Variants in SLCO1B3 observed in about 807,000 individuals in gnomAD.
SLCO1B3 encodes the protein liver-specific organic anion transporter 2.
Under a neutral mutation model 71.8 loss-of-function variants are expected in SLCO1B3, and 72 were observed. The ratio of observed to expected loss-of-function variants is 1.00; its 90% CI spans 0.83 to 1.22. SLCO1B3 has a LOEUF of 1.22. SLCO1B3 is among the 50% of genes most tolerant of loss of function. SLCO1B3 has a pLI of 0.00. For missense variants in SLCO1B3, 911 were observed against 819.7 expected (o/e 1.11, Z -1.36); for synonymous variants, 298 against 278.4 (o/e 1.07, Z -0.70).
At chr12:20,903,663 A>T (rs1218088438) in intron 15 of SLCO1B3, among the ~76,000 whole-genome samples, 1 of 152,130 alleles carries the variant, frequency 6.6e-6, no homozygotes, top group Non-Finnish European at 1.5e-5. Context: ...TATCTTGAGA[A>T]CAGAAAGGGA....
At chr12:20,856,389 A>T in intron 4 of SLCO1B3, among the ~76,000 whole-genome samples, 1 of 152,214 alleles carries the variant, frequency 6.6e-6, no homozygotes, top group East Asian at 1.9e-4. Context: ...CAAAAAATAT[A>T]AAACTTAAAA....
At chr12:20,812,486 G>C (rs1325867077) in intron 1 of SLCO1B3, among the ~76,000 whole-genome samples, 1 of 152,154 alleles carries the variant, frequency 6.6e-6, no homozygotes, top group Non-Finnish European at 1.5e-5. Flanking sequence ...GATAGGGAAG[G>C]ACATTCCAGG....
At chr12:20,827,696 C>G (rs555635125) in intron 3 of SLCO1B3, among the ~76,000 whole-genome samples, 1 of 152,008 alleles carries the variant, frequency 6.6e-6, no homozygotes, top group Admixed American at 6.6e-5. Flanking sequence ...CGCAGCCTCC[C>G]GAGTAGCTGG....
intron 9 of SLCO1B3, among the ~76,000 whole-genome samples, chr12:20,877,249 G>T (rs1356109447): frequency 6.6e-6 from 1 of 151,766 alleles, no homozygotes; most frequent in Non-Finnish European, 1.5e-5. Flanking sequence ...ATTATGAACT[G>T]TTTTTTTAAG....
At chr12:20,841,008 A>G (rs1591755272) in intron 3 of SLCO1B3, among the ~76,000 whole-genome samples, 1 of 152,298 alleles carries the variant, frequency 6.6e-6, no homozygotes, top group East Asian at 1.9e-4. Context: ...GGGGTCCTTG[A>G]ATTGGTCCCC....
intron 13 of SLCO1B3, among the ~76,000 whole-genome samples, chr12:20,891,442 C>T (rs866404426): frequency 3.1e-4 from 47 of 151,950 alleles, no homozygotes; most frequent in African/African-American, 1.1e-3. Flanking sequence ...TCTCTCTTGC[C>T]ACGTTTAAGA....
intron 8 of SLCO1B3, among the ~76,000 whole-genome samples, chr12:20,869,808 T>C (rs1865446165): frequency 6.6e-6 from 1 of 152,188 alleles, no homozygotes; most frequent in African/African-American, 2.4e-5. Flanking sequence ...AATGGAAATA[T>C]CTCTGTGAGA....
intron 4 of SLCO1B3, 123 bp downstream of exon 4, chr12:20,855,292 C>A: frequency 1.2e-6 from 1 of 814,878 alleles, no homozygotes; most frequent in Non-Finnish European, 1.9e-6. Context: ...GGCAATTTGG[C>A]AATATGTTAG....
chr12:20,874,322 A>G (rs1056749375), intron 8 of SLCO1B3, among the ~76,000 whole-genome samples: 1 of 152,198 alleles, frequency 6.6e-6, no homozygotes, highest in Non-Finnish European at 1.5e-5. Context: ...GAGAATGGCA[A>G]GAGGATGTCT....
chr12:20,904,449 AGATTTGTGCCCAAGGCTTT>A (rs1866194372), intron 15 of SLCO1B3, among the ~76,000 whole-genome samples: 1 of 152,054 alleles, frequency 6.6e-6, no homozygotes, highest in African/African-American at 2.4e-5. Context: ...ATGATGCAAG[AGATTTGTGCCCAAGGCTTT>A]GGGCAGCTCC....
chr12:20,856,408 A>G (rs894091012), intron 4 of SLCO1B3, among the ~76,000 whole-genome samples: 1 of 152,206 alleles, frequency 6.6e-6, no homozygotes, highest in Non-Finnish European at 1.5e-5. Flanking sequence ...AAATGGCCAT[A>G]TATTAATAAA....
intron 9 of SLCO1B3, among the ~76,000 whole-genome samples, 157 bp downstream of exon 9, chr12:20,875,634 T>G (rs1221612432): frequency 6.6e-6 from 1 of 152,130 alleles, no homozygotes; most frequent in Non-Finnish European, 1.5e-5. Context: ...CTATTAAAAT[T>G]AACAAATATG....
intron 13 of SLCO1B3, 101 bp from the exon 14 acceptor site, chr12:20,898,335 A>C: frequency 1.3e-6 from 1 of 752,762 alleles, no homozygotes; most frequent in Non-Finnish European, 2.4e-6. Context: ...AAGAGTATTC[A>C]TTCTACCAGG....
intron 8 of SLCO1B3, among the ~76,000 whole-genome samples, chr12:20,872,634 C>T (rs1865495939): frequency 6.6e-6 from 1 of 151,906 alleles, no homozygotes; most frequent in Admixed American, 6.6e-5. Flanking sequence ...GGCCTGAGGG[C>T]TCTTTAGTCA....
At chr12:20,830,607 C>A (rs777884954) in intron 3 of SLCO1B3, among the ~76,000 whole-genome samples, 1 of 152,150 alleles carries the variant, frequency 6.6e-6, no homozygotes, top group Non-Finnish European at 1.5e-5. Flanking sequence ...GAAAAAGCCG[C>A]TTTTGGTGAC....
chr12:20,846,414 G>T (rs1864921391), intron 3 of SLCO1B3, among the ~76,000 whole-genome samples: 1 of 152,100 alleles, frequency 6.6e-6, no homozygotes, highest in African/African-American at 2.4e-5. Context: ...TAACTTCGTT[G>T]ACTTGGAATT....
chr12:20,861,643 GA>G (rs1334398007), intron 6 of SLCO1B3, among the ~76,000 whole-genome samples: 1 of 139,296 alleles, frequency 7.2e-6, no homozygotes, highest in African/African-American at 2.5e-5. Context: ...TCTTTATAAA[GA>G]TGCAAAATGT....
intron 15 of SLCO1B3, among the ~76,000 whole-genome samples, chr12:20,903,557 A>T (rs766147956): frequency 1.1e-4 from 17 of 152,266 alleles, no homozygotes; most frequent in Middle Eastern, 3.4e-3. Flanking sequence ...GAAGCAAGGC[A>T]TGTCTTCTCC....
At chr12:20,888,413 A>C (rs565309618) in intron 13 of SLCO1B3, among the ~76,000 whole-genome samples, 1 of 151,538 alleles carries the variant, frequency 6.6e-6, no homozygotes, top group African/African-American at 2.4e-5. Flanking sequence ...AGACTTTTTT[A>C]CCTCTTAGTT....
Sources: allele counts gnomAD v4.1 joint callset (sites outside exome capture counted in the v4.1 genomes callset), GRCh38; gene constraint gnomAD v4.1.1; transcripts MANE v1.5; gene names NCBI Gene and HGNC (gene_info 2026-07-23, HGNC 2026-07-21).